The following RBFOX1 variants were observed in gnomAD, a reference collection of about 807,000 sequenced individuals.
RBFOX1 encodes RNA binding fox-1 homolog 1, also known as RNA binding protein fox-1 homolog 1.
Under a neutral mutation model 57.7 loss-of-function variants are expected in RBFOX1, and 8 were observed. The observed-to-expected ratio is 0.14, with a 90% confidence interval of 0.08 to 0.25. The LOEUF is 0.25. RBFOX1 is among the 10% of genes least tolerant of loss of function. The pLI is 1.00. For missense variants in RBFOX1, 611 were observed against 548.5 expected, an observed-to-expected ratio of 1.11 and a Z score of -1.14; for synonymous variants, 326 against 222.4, an observed-to-expected ratio of 1.47 and a Z score of -4.15.
intron 3 of RBFOX1, among the ~76,000 whole-genome samples, chr16:5,784,159 C>G (rs2054418680): frequency 6.6e-6 from 1 of 152,174 alleles, no homozygotes; most frequent in African/African-American, 2.4e-5. Flanking sequence ...CGGTGGCTCA[C>G]GCCTATAATC....
At chr16:7,391,473 C>A (rs2098020271) in intron 4 of RBFOX1, among the ~76,000 whole-genome samples, 1 of 152,190 alleles carries the variant, frequency 6.6e-6, no homozygotes, top group African/African-American at 2.4e-5. Flanking sequence ...TCTTTCCTCC[C>A]TTTCTTGCAT....
At chr16:7,425,975 T>A (rs1189378462) in intron 4 of RBFOX1, among the ~76,000 whole-genome samples, 1 of 152,244 alleles carries the variant, frequency 6.6e-6, no homozygotes, top group African/African-American at 2.4e-5. Flanking sequence ...CTCAGATCAA[T>A]TGTTTATACA....
chr16:7,576,110 T>A (rs971825991), intron 5 of RBFOX1, among the ~76,000 whole-genome samples: 7 of 151,324 alleles, frequency 4.6e-5, no homozygotes, highest in Non-Finnish European at 8.8e-5. Context: ...TTTTTTTTTT[T>A]AATTTATTTA....
intron 4 of RBFOX1, among the ~76,000 whole-genome samples, chr16:5,905,178 C>T (rs1483386954): frequency 1.3e-5 from 2 of 149,178 alleles, no homozygotes; most frequent in African/African-American, 2.5e-5. Context: ...AGTGATTCTC[C>T]TGCCTCAGCC....
chr16:6,628,956 G>C (rs565768212), intron 2 of RBFOX1, among the ~76,000 whole-genome samples: 73 of 152,174 alleles, frequency 4.8e-4, no homozygotes, highest in Non-Finnish European at 8.8e-4. Context: ...CTTGAACCCA[G>C]GCTGCGGAGG....
At chr16:6,606,546 G>T (rs2097929495) in intron 2 of RBFOX1, among the ~76,000 whole-genome samples, 1 of 152,042 alleles carries the variant, frequency 6.6e-6, no homozygotes, top group Non-Finnish European at 1.5e-5. Flanking sequence ...GCCCCATTGT[G>T]TGTAGTTCCC....
At chr16:6,510,215 T>G (rs888513008) in intron 2 of RBFOX1, among the ~76,000 whole-genome samples, 3 of 152,188 alleles carry the variant, frequency 2.0e-5, no homozygotes, top group African/African-American at 7.2e-5. Flanking sequence ...AGCCCCTTTG[T>G]CTCATGTGGC....
At chr16:7,304,574 A>T (rs1044552961) in intron 4 of RBFOX1, 41 of 985,088 alleles carry the variant, frequency 4.2e-5, no homozygotes, top group South Asian at 4.7e-5. Flanking sequence ...TCGGTGCCTT[A>T]TGTAGGTTCT....
At chr16:5,293,474 G>T (rs928302250) in intron 1 of RBFOX1, among the ~76,000 whole-genome samples, 2 of 152,054 alleles carry the variant, frequency 1.3e-5, no homozygotes, top group East Asian at 3.9e-4. Flanking sequence ...CTCAACCTTG[G>T]CTCCACCTTG....
At chr16:5,633,005 C>G (rs903256370) in intron 3 of RBFOX1, among the ~76,000 whole-genome samples, 2 of 139,744 alleles carry the variant, frequency 1.4e-5, no homozygotes, top group Non-Finnish European at 3.0e-5. Flanking sequence ...GTGTTATGAT[C>G]TCAGCTCACT....
intron 1 of RBFOX1, among the ~76,000 whole-genome samples, chr16:6,208,588 A>G (rs553480985): frequency 4.6e-5 from 7 of 152,314 alleles, no homozygotes; most frequent in Admixed American, 6.5e-5. Context: ...ATGTAGATCA[A>G]TCAACCCATG....
chr16:6,833,607 T>C (rs1232826481), intron 3 of RBFOX1, among the ~76,000 whole-genome samples: 1 of 152,226 alleles, frequency 6.6e-6, no homozygotes, highest in East Asian at 1.9e-4. Context: ...AGTATGTTGT[T>C]AAAGTTACAT....
rs148078413 is a variant in RBFOX1, at chr16:5,428,175, C to G, written c.220-39041C>G. Among the ~76,000 whole-genome samples, 239 of 151,958 alleles carry G rather than the reference C, an allele frequency of 1.6e-3. 1 individual carries two copies. The highest frequency in any genetic ancestry group is 6.8e-3 in the Middle Eastern group (2 of 292). On this transcript the variant is annotated intron_variant, in intron 1 of 2. Transcript: ENST00000585867. ...GTGTGTATGTGCATACACACAAACACAATGCATGCATTTGGAGTCCTTACT... is the reference window on the plus strand; with the variant it reads ...GTGTGTATGTGCATACACACAAACAGAATGCATGCATTTGGAGTCCTTACT...
intron 2 of RBFOX1, among the ~76,000 whole-genome samples, chr16:6,334,974 G>T (rs1344591158): frequency 6.6e-6 from 1 of 152,224 alleles, no homozygotes; most frequent in African/African-American, 2.4e-5. Context: ...AGAGAGAACA[G>T]TGTCATCCTA....
At chr16:6,107,368 T>A (rs1194946044) in intron 1 of RBFOX1, among the ~76,000 whole-genome samples, 2 of 152,116 alleles carry the variant, frequency 1.3e-5, no homozygotes, top group East Asian at 3.9e-4. Flanking sequence ...TTCTTTGAGA[T>A]AACCTCTTTC....
At chr16:5,760,838 A>G (rs1001021645) in intron 3 of RBFOX1, among the ~76,000 whole-genome samples, 4 of 152,346 alleles carry the variant, frequency 2.6e-5, no homozygotes, top group Admixed American at 2.6e-4. Context: ...TACTGGGAGC[A>G]GAAAGGAGAG....
intron 4 of RBFOX1, among the ~76,000 whole-genome samples, chr16:7,376,944 C>G (rs377290683): frequency 2.1e-4 from 32 of 152,216 alleles, no homozygotes; most frequent in Admixed American, 3.9e-4. Context: ...TGGCCTCATA[C>G]AAGAGGTAAA....
intron 3 of RBFOX1, among the ~76,000 whole-genome samples, chr16:6,746,441 A>G (rs190390132): frequency 7.2e-5 from 11 of 152,234 alleles, no homozygotes; most frequent in Admixed American, 1.3e-4. Context: ...CTATGGGAAG[A>G]CTAGACAGTT....
chr16:5,598,744 C>A (rs945429394), intron 2 of RBFOX1, among the ~76,000 whole-genome samples: 1 of 152,154 alleles, frequency 6.6e-6, no homozygotes, highest in African/African-American at 2.4e-5. Context: ...CAATGCAGGT[C>A]TTGACCCCTG....
Sources: gnomAD v4.1 joint callset for allele counts (sites outside exome capture counted in the v4.1 genomes callset) on GRCh38, gnomAD v4.1.1 for gene constraint, MANE v1.5 for transcripts, NCBI Gene and HGNC (gene_info 2026-07-23, HGNC 2026-07-21) for gene names.